The following LRRC8E variants were observed in gnomAD, a reference collection of about 807,000 sequenced individuals.
LRRC8E encodes volume-regulated anion channel subunit LRRC8E.
Under a neutral mutation model 6.1 loss-of-function variants are expected in LRRC8E, and 6 were observed. That is an observed-to-expected ratio of 0.98 (90% CI 0.54 to 1.93). The LOEUF (loss-of-function observed/expected upper bound fraction) is 1.93, where lower values mean the gene tolerates loss of function less well. Among genes scored for constraint, LRRC8E ranks in the 30% most tolerant of loss-of-function variants. The pLI is 0.01. For missense variants in LRRC8E, 1,028 were observed against 1,031.4 expected (o/e 1.00, Z 0.04); for synonymous variants, 485 against 472.8 (o/e 1.03, Z -0.33).
In LRRC8E at chr19:7,899,755, G is replaced by A. The variant is rs947664647; in HGVS notation, c.1233G>A (p.Leu411=). The part of the protein sequence containing the change: ...EWTPEKLRQK[L]QRNAAGRLEL... ...CGCCCGAGAAGCTTCGACAGAAGCT[G>A]CAGCGCAATGCCGCGGGCCGGCTGG... is the stretch of plus-strand genomic sequence containing the variant. The change falls in exon 3 of 3, where the codon CTG becomes CTA. Residue 411 remains leucine, a synonymous_variant. Transcript: ENST00000306708. 6.2e-7 allele frequency: 1 copy of A among 1,611,604 alleles called. No homozygotes were observed. Among genetic ancestry groups the A allele is most frequent in the Non-Finnish European group, 8.5e-7 (1 of 1,180,010 alleles).
rs921446066 is a variant in LRRC8E at position 7,901,296 on chromosome 19, C to T, written c.*383C>T. The T allele has an allele frequency of 1.7e-4, 29 of 172,336 alleles. No individual in the cohort carries two copies. Among genetic ancestry groups the T allele is most frequent in the African/African-American group, 5.9e-4 (25 of 42,046 alleles). The allele number at this position is 172,336 out of a possible 1,614,324, so 10.7% of individuals were successfully genotyped here. A position where few individuals can be genotyped will look rare whatever the true frequency, so the allele number is the denominator to read the frequency against. On this transcript the variant is annotated 3_prime_UTR_variant, in exon 3 of 3. Coordinates refer to ENST00000306708, the MANE Select transcript of LRRC8E (RefSeq NM_025061.6). The stretch of plus-strand genomic sequence containing the variant: ...ACACATCCCAGTGGGATTTCCAACA[C>T]TCCCCCTCCCCATGCAACAAAGCAA...
Position 7,899,106 on chromosome 19 carries a change from CGGGGAA to C in LRRC8E, c.587_592del (p.Gly196_Lys197del), listed in dbSNP as rs1568266434. ...ATAGTGGCCATGGCAGGGACCGGGC[CGGGGAA>C]GGCAGGGGAGGGTGAGAAGGAGAAA... On this transcript the variant is annotated inframe_deletion, in exon 3 of 3. Coordinates refer to ENST00000306708, the MANE Select transcript of LRRC8E (RefSeq NM_025061.6). 6.2e-7 allele frequency: 1 copy of C among 1,612,866 alleles called. No homozygotes were observed. The highest frequency in any genetic ancestry group is 1.7e-5 in the Admixed American group (1 of 60,010).
At chr19:7,894,034 A>C (rs889107001) in intron 1 of LRRC8E, among the ~76,000 whole-genome samples, 2 of 151,990 alleles carry the variant, frequency 1.3e-5, no homozygotes, top group Admixed American at 1.3e-4. Context: ...AGTCACCCCA[A>C]AATATGGGGG....
intron 1 of LRRC8E, among the ~76,000 whole-genome samples, chr19:7,892,645 G>A (rs980164260): frequency 1.4e-4 from 21 of 152,296 alleles, no homozygotes; most frequent in African/African-American, 4.1e-4. Context: ...GTGTGTACTT[G>A]GACTTTATAC....
Position 7,895,413 on chromosome 19 carries a change from C to CGTTTT in LRRC8E, c.-5-184_-5-183insTTTGT. ...CCGCTTGGTTCTGGGCAGGTGGTGA[C>CGTTTT]GTCTGCATGGAGGGTGACTAAGGCC... On this transcript the variant is annotated intron_variant, in intron 1 of 2. Transcript: ENST00000306708. The surrounding 1 kb of genome is among the most constrained non-coding windows in gnomAD (Gnocchi z 4.7). 1.5e-6 allele frequency: 1 copy of CGTTTT among 656,014 alleles called. No individual in the cohort carries two copies. 40.6% of individuals were successfully genotyped at this position (656,014 alleles called of 1,614,324 possible). A position where few individuals can be genotyped will look rare whatever the true frequency, so the allele number is the denominator to read the frequency against.
intron 1 of LRRC8E, among the ~76,000 whole-genome samples, chr19:7,890,575 A>G (rs1256330169): frequency 2.0e-5 from 3 of 151,944 alleles, no homozygotes; most frequent in Admixed American, 6.6e-5. Context: ...AGATCATGAG[A>G]TCAGGAGATT....
chr19:7,900,890 C>T lies in LRRC8E; in HGVS notation c.2368C>T (p.Arg790Trp), dbSNP rs745874731. 2.3e-5 allele frequency: 35 copies of T among 1,526,936 alleles called. No homozygotes were observed. The highest frequency in any genetic ancestry group is 2.7e-5 in the Non-Finnish European group (31 of 1,139,702). 94.6% of individuals were successfully genotyped at this position (1,526,936 alleles called of 1,614,324 possible). A position where few individuals can be genotyped will look rare whatever the true frequency, so the allele number is the denominator to read the frequency against. ...TTACCAGGGTCTGCCGGCAGAAGTG[C>T]GGGACAAGATGGAGGAGGAATGAAG... The part of the protein sequence containing the change: ...TLYQGLPAEV[R>W]DKMEEE The change falls in exon 3 of 3, where the codon CGG becomes TGG. Residue 790 changes from arginine (R) to tryptophan (W), a missense_variant. Transcript: ENST00000306708. This position sits in a 1 kb window ranked among gnomAD's most constrained non-coding sequence, Gnocchi z 5.0.
intron 1 of LRRC8E, among the ~76,000 whole-genome samples, chr19:7,891,540 TGTGTGTTTG>T (rs1981311371): frequency 7.8e-6 from 1 of 128,282 alleles, no homozygotes. Flanking sequence ...TGTGTGTGTG[TGTGTGTTTG>T]TGTGTGTGTG....
rs780932014 is a variant in LRRC8E, at chr19:7,900,696, G to A, written c.2174G>A (p.Arg725Gln). 31 of 1,613,314 alleles carry A rather than the reference G, an allele frequency of 1.9e-5. No individual in the cohort carries two copies. Among genetic ancestry groups the A allele is most frequent in the Non-Finnish European group, 2.4e-5 (28 of 1,180,042 alleles). Residue 725 changes from arginine to glutamine, a missense_variant, in exon 3 of 3, where the codon CGG becomes CAG. Transcript: ENST00000306708. This position sits in a 1 kb window ranked among gnomAD's most constrained non-coding sequence, Gnocchi z 5.0. ...PEELFFCRKL[R>Q]TLLLGDNQLS... ...GAGCTCTTCTTCTGCCGCAAGCTGC[G>A]GACGTTGCTTCTGGGCGACAACCAG...
intron 2 of LRRC8E, among the ~76,000 whole-genome samples, 154 bp from the exon 3 acceptor site, chr19:7,898,505 GCC>G (rs1981724074): frequency 6.6e-6 from 1 of 152,210 alleles, no homozygotes; most frequent in East Asian, 1.9e-4. Context: ...GATTACAGGT[GCC>G]CACCACCATG....
At chr19:7,897,104 TC>T (rs553762259) in intron 2 of LRRC8E, among the ~76,000 whole-genome samples, 141 of 152,234 alleles carry the variant, frequency 9.3e-4, no homozygotes, top group Admixed American at 1.6e-3. Flanking sequence ...CAAGCTTCCC[TC>T]CTAGATTTTT....
chr19:7,896,845 T>G (rs1303841235), intron 2 of LRRC8E, among the ~76,000 whole-genome samples: 23 of 152,044 alleles, frequency 1.5e-4, no homozygotes. Flanking sequence ...TCCTCCCACC[T>G]CGGCCTCCCA....
At chr19:7,890,213 C>G (rs1186454289) in intron 1 of LRRC8E, among the ~76,000 whole-genome samples, 2 of 152,120 alleles carry the variant, frequency 1.3e-5, no homozygotes, top group East Asian at 3.9e-4. Context: ...CTCATCACCA[C>G]ATTTTTTGGA....
At chr19:7,893,012 T>G (rs549851924) in intron 1 of LRRC8E, among the ~76,000 whole-genome samples, 8 of 152,036 alleles carry the variant, frequency 5.3e-5, no homozygotes, top group Admixed American at 6.6e-5. Context: ...TATTTTTATT[T>G]TGTTTTAGTT....
chr19:7,896,073 G>T (rs1179747631), intron 2 of LRRC8E, among the ~76,000 whole-genome samples: 1 of 151,876 alleles, frequency 6.6e-6, no homozygotes, highest in East Asian at 2.0e-4. Context: ...GAGTAGCTGG[G>T]ATTACAGGCG....
Position 7,899,637 on chromosome 19 carries a change from A to G in LRRC8E, c.1115A>G (p.Gln372Arg). The change falls in exon 3 of 3, where the codon CAG becomes CGG. Residue 372 changes from glutamine (Q) to arginine (R), a missense_variant. Coordinates refer to ENST00000306708, the MANE Select transcript of LRRC8E (RefSeq NM_025061.6). ...GCCTTCATGCTGCACCTCATCGATC[A>G]GTACGACTCCCTCTACTCCAAGCGC... ...DFAFMLHLID[Q>R]YDSLYSKRFA... is the part of the protein sequence containing the mutation. 1 of 1,613,782 alleles carries G rather than the reference A, an allele frequency of 6.2e-7. No individual in the cohort carries two copies. The highest frequency in any genetic ancestry group is 8.5e-7 in the Non-Finnish European group (1 of 1,180,032).
rs777537086 is a variant in LRRC8E at position 7,899,977 on chromosome 19, C to T, written c.1455C>T (p.His485=). The T allele has an allele frequency of 3.7e-6, 6 of 1,609,634 alleles. No homozygotes were observed. Among genetic ancestry groups the T allele is most frequent in the Non-Finnish European group, 4.2e-6 (5 of 1,179,782 alleles). The change falls in exon 3 of 3, where the codon CAC becomes CAT. Residue 485 remains histidine, a synonymous_variant. Transcript: ENST00000306708. The part of the protein sequence containing the change: ...PFSLQVFLRD[H]LKVMRVKCEE... ...CCTTGCAGGTCTTCCTGCGGGACCA[C>T]CTGAAGGTGATGCGCGTCAAATGCG...
rs777459079 is a variant in LRRC8E, at chr19:7,899,062, C to G, written c.540C>G (p.Thr180=). ...AGAACCAGAAGGGCCCAGCAGCCAC[C>G]GAACGGGCTGCGGCCACCATAGTGG... The part of the protein sequence containing the change: ...SGENQKGPAA[T]ERAAATIVAM... Residue 180 remains threonine (T), a synonymous_variant, in exon 3 of 3, where the codon ACC becomes ACG. Coordinates refer to ENST00000306708, the MANE Select transcript of LRRC8E (RefSeq NM_025061.6). 1.2e-6 allele frequency: 2 copies of G among 1,612,854 alleles called. No individual in the cohort carries two copies. Among genetic ancestry groups the G allele is most frequent in the Non-Finnish European group, 1.7e-6 (2 of 1,179,484 alleles).
At position 7,898,620 on chromosome 19, in the gene LRRC8E, A is replaced by G. The variant is rs760443627; in HGVS notation, c.139-41A>G. The G allele has an allele frequency of 5.2e-6, 8 of 1,538,716 alleles. No individual in the cohort carries two copies. In the Admixed American group the frequency reaches 1.6e-4, roughly 30 times the overall value. On this transcript the variant is annotated intron_variant, in intron 2 of 2. Coordinates refer to ENST00000306708, the MANE Select transcript of LRRC8E (RefSeq NM_025061.6). ...GTGATCCACTCGCCTTGGCCTCCCA[A>G]AGTGCTAGGATTACAGCCCTCATTC...
Sources: gnomAD v4.1 joint callset for allele counts (sites outside exome capture counted in the v4.1 genomes callset) on GRCh38, gnomAD v4.1.1 for gene constraint, Gnocchi (gnomAD v3.1) non-coding constraint, MANE v1.5 for transcripts, NCBI Gene and HGNC (gene_info 2026-07-23, HGNC 2026-07-21) for gene names.